The following CNTN6 variants were observed in gnomAD, a reference collection of about 807,000 sequenced individuals.
The protein encoded by CNTN6 is contactin 6.
In CNTN6, 137 loss-of-function variants were observed where a neutral mutation model predicts 122.8. The ratio of observed to expected loss-of-function variants is 1.12; its 90% CI spans 0.97 to 1.29. CNTN6 has a LOEUF of 1.29. CNTN6 is among the 50% of genes most tolerant of loss of function. The pLI is 0.00. For synonymous variants in CNTN6, 570 were observed against 426.0 expected (o/e 1.34, Z -4.16); for missense variants, 1,634 against 1,223.4 (o/e 1.34, Z -5.01).
At chr3:1,276,607 A>G (rs1380152806) in intron 4 of CNTN6, among the ~76,000 whole-genome samples, 1 of 152,164 alleles carries the variant, frequency 6.6e-6, no homozygotes, top group Non-Finnish European at 1.5e-5. Context: ...TACATTTTTT[A>G]TATCCAGAAA....
At chr3:1,245,229 T>TACACACACATAC (rs1353980370) in intron 4 of CNTN6, among the ~76,000 whole-genome samples, 1 of 12,174 alleles carries the variant, frequency 8.2e-5, no homozygotes, top group African/African-American at 3.2e-4. Flanking sequence ...TATATATATA[T>TACACACACATAC]ATATATACAC....
At position 1,385,596 on chromosome 3, in the gene CNTN6, G is replaced by C; in HGVS notation, c.2518-15G>C. ...GGGGAACAATAAATTGCTTGTTTTG[G>C]TTTTTAATTATCAGGTCTTATACTG... On this transcript the variant is annotated splice_polypyrimidine_tract_variant and intron_variant, in intron 19 of 22. Coordinates refer to ENST00000446702, the MANE Select transcript of CNTN6 (RefSeq NM_001289080.2). 1 of 1,574,214 alleles carries C rather than the reference G, an allele frequency of 6.4e-7. No individual in the cohort carries two copies. The highest frequency in any genetic ancestry group is 8.6e-7 in the Non-Finnish European group (1 of 1,163,170).
At chr3:1,205,180 C>G (rs560110474) in intron 2 of CNTN6, among the ~76,000 whole-genome samples, 1 of 152,124 alleles carries the variant, frequency 6.6e-6, no homozygotes, top group African/African-American at 2.4e-5. Flanking sequence ...CTCTAGAAGT[C>G]GTATAAGGCA....
intron 5 of CNTN6, among the ~76,000 whole-genome samples, chr3:1,287,221 T>C (rs1015566023): frequency 1.3e-5 from 2 of 152,178 alleles, no homozygotes; most frequent in African/African-American, 4.8e-5. Context: ...GCAGATCTAA[T>C]AGACATCTAC....
intron 4 of CNTN6, among the ~76,000 whole-genome samples, chr3:1,253,767 T>A (rs1428590890): frequency 6.6e-6 from 1 of 152,092 alleles, no homozygotes; most frequent in Non-Finnish European, 1.5e-5. Flanking sequence ...GCGGTAACAC[T>A]CTCTCACCTG....
At chr3:1,239,187 A>G (rs533604651) in intron 4 of CNTN6, among the ~76,000 whole-genome samples, 1 of 152,310 alleles carries the variant, frequency 6.6e-6, no homozygotes, top group East Asian at 1.9e-4. Context: ...GAAAAGAGAA[A>G]GAAATAAAGC....
intron 4 of CNTN6, among the ~76,000 whole-genome samples, chr3:1,235,059 G>A (rs2094404124): frequency 6.6e-6 from 1 of 152,156 alleles, no homozygotes; most frequent in African/African-American, 2.4e-5. Context: ...TATCGCTGCT[G>A]GAAATCTATT....
chr3:1,393,555 T>TAA (rs572632140), intron 20 of CNTN6, among the ~76,000 whole-genome samples: 7 of 107,926 alleles, frequency 6.5e-5, no homozygotes, highest in South Asian at 3.0e-4. Flanking sequence ...CTTAAAGAAG[T>TAA]AAAAAAAAAA....
At chr3:1,385,171 C>T (rs1692676811) in intron 19 of CNTN6, among the ~76,000 whole-genome samples, 1 of 151,678 alleles carries the variant, frequency 6.6e-6, no homozygotes, top group African/African-American at 2.4e-5. Context: ...AATGCTAATG[C>T]AAAGGTAGGG....
At chr3:1,103,172 T>G (rs772002712) in intron 1 of CNTN6, among the ~76,000 whole-genome samples, 1 of 152,196 alleles carries the variant, frequency 6.6e-6, no homozygotes, top group Non-Finnish European at 1.5e-5. Context: ...TTTCTGTTAT[T>G]CTAGACTTGA....
intron 1 of CNTN6, among the ~76,000 whole-genome samples, chr3:1,098,684 T>G (rs2090667979): frequency 6.7e-6 from 1 of 149,840 alleles, no homozygotes; most frequent in African/African-American, 2.4e-5. Context: ...GATGGGCAGT[T>G]TTTCCTATTT....
intron 8 of CNTN6, among the ~76,000 whole-genome samples, chr3:1,324,407 T>C (rs1474434539): frequency 6.7e-6 from 1 of 149,634 alleles, no homozygotes; most frequent in African/African-American, 2.5e-5. Flanking sequence ...GCACTGTGCG[T>C]TGTAGATGTA....
chr3:1,168,848 C>A (rs981120606), intron 2 of CNTN6, among the ~76,000 whole-genome samples: 1 of 152,132 alleles, frequency 6.6e-6, no homozygotes, highest in Admixed American at 6.5e-5. Flanking sequence ...TCTGGTCTAA[C>A]AACAGTGATG....
chr3:1,388,500 G>T (rs1279731265), intron 20 of CNTN6, among the ~76,000 whole-genome samples: 2 of 151,682 alleles, frequency 1.3e-5, no homozygotes, highest in Non-Finnish European at 2.9e-5. Flanking sequence ...CTAAAACGCA[G>T]AGCGCCTCTC....
At chr3:1,115,601 A>C (rs1373417712) in intron 1 of CNTN6, among the ~76,000 whole-genome samples, 2 of 152,132 alleles carry the variant, frequency 1.3e-5, no homozygotes, top group Non-Finnish European at 2.9e-5. Flanking sequence ...TCCAAAAAAA[A>C]ATTAGCCGGG....
chr3:1,332,392 T>A (rs1344014357), intron 11 of CNTN6, among the ~76,000 whole-genome samples: 1 of 151,910 alleles, frequency 6.6e-6, no homozygotes, highest in African/African-American at 2.4e-5. Context: ...CTTCTGTTTG[T>A]GTCAGACTAT....
At chr3:1,272,660 C>T (rs1048143868) in intron 4 of CNTN6, among the ~76,000 whole-genome samples, 2 of 152,048 alleles carry the variant, frequency 1.3e-5, no homozygotes, top group African/African-American at 4.8e-5. Context: ...TCTTCTTGGT[C>T]CTGATCAATG....
intron 11 of CNTN6, among the ~76,000 whole-genome samples, chr3:1,340,641 A>G (rs1175464963): frequency 1.3e-5 from 2 of 152,164 alleles, no homozygotes; most frequent in African/African-American, 4.8e-5. Flanking sequence ...GCAGACAAAG[A>G]GTCACACCCA....
intron 4 of CNTN6, among the ~76,000 whole-genome samples, chr3:1,236,740 G>C (rs903102787): frequency 1.3e-5 from 2 of 152,132 alleles, no homozygotes; most frequent in Admixed American, 6.6e-5. Flanking sequence ...TGAAACTTCT[G>C]AATTGCCAGG....
Sources: gnomAD v4.1 joint callset for allele counts (sites outside exome capture counted in the v4.1 genomes callset) on GRCh38, gnomAD v4.1.1 for gene constraint, MANE v1.5 for transcripts, NCBI Gene and HGNC (gene_info 2026-07-23, HGNC 2026-07-21) for gene names.